Variants in OR2T1 observed in about 807,000 individuals in gnomAD.
OR2T1 encodes the protein olfactory receptor 2T1.
For missense variants in OR2T1, 440 were observed against 390.2 expected (o/e 1.13, Z -1.07); for synonymous variants, 186 against 145.4 (o/e 1.28, Z -2.01).
intron 1 of OR2T1, among the ~76,000 whole-genome samples, chr1:248,404,813 C>G (rs549518811): frequency 1.3e-5 from 2 of 152,002 alleles, no homozygotes; most frequent in Admixed American, 1.3e-4. Flanking sequence ...TTCCTATATA[C>G]ACAATGCCAT....
Position 248,406,336 on chromosome 1 carries a change from C to A in OR2T1, c.189C>A (p.Ser63Arg). 6.2e-7 allele frequency: 1 copy of A among 1,614,134 alleles called. No individual in the cohort carries two copies. Among genetic ancestry groups the A allele is most frequent in the Non-Finnish European group, 8.5e-7 (1 of 1,179,994 alleles). The change falls in exon 2 of 2, where the codon AGC becomes AGA. Residue 63 changes from serine (S) to arginine (R), a missense_variant. Coordinates refer to ENST00000642005, the MANE Select transcript of OR2T1 (RefSeq NM_030904.2). Reference sequence around the variant, plus strand: ...ATACACCCATGTACTTCCTCCTCAGCCACCTTTCCTTAATTGACATGATGT... The same window carrying A: ...ATACACCCATGTACTTCCTCCTCAGACACCTTTCCTTAATTGACATGATGT... ...RLHTPMYFLL[S>R]HLSLIDMMYI... is the part of the protein sequence containing the mutation.
At position 248,406,599 on chromosome 1, in the gene OR2T1, G is replaced by A; in HGVS notation, c.452G>A (p.Gly151Asp). Residue 151 changes from glycine to aspartate, a missense_variant, in exon 2 of 2, where the codon GGC (glycine) becomes GAC (aspartate). Coordinates refer to ENST00000642005, the MANE Select transcript of OR2T1 (RefSeq NM_030904.2). Reference protein sequence around the residue: ...WMIIAGSWFGGSLDGFLLTPI... With the variant: ...WMIIAGSWFGDSLDGFLLTPI... ...ATTATAGCAGGTTCCTGGTTTGGGG[G>A]CTCTTTGGATGGCTTCCTCCTAACC... The A allele has an allele frequency of 6.2e-7, 1 of 1,614,096 alleles. No homozygotes were observed. Among genetic ancestry groups the A allele is most frequent in the Middle Eastern group, 1.6e-4 (1 of 6,062 alleles).
chr1:248,406,525 C>A lies in OR2T1; in HGVS notation c.378C>A (p.Cys126Ter), dbSNP rs77131394. The A allele has an allele frequency of 3.7e-6, 6 of 1,614,044 alleles. No homozygotes were observed. Among genetic ancestry groups the A allele is most frequent in the African/African-American group, 1.3e-5 (1 of 74,914 alleles). Residue 126 changes from cysteine (C) to a stop codon, truncating the protein, a stop_gained, in exon 2 of 2, where the codon TGC becomes TGA. Coordinates refer to ENST00000642005, the MANE Select transcript of OR2T1 (RefSeq NM_030904.2). LOFTEE classifies it low-confidence loss of function (END_TRUNC). ...LMAYDRYVAI[C>*]NPLRYPVLMS... ...CCTATGACCGCTATGTGGCCATTTG[C>A]AACCCTCTGAGATACCCTGTCCTCA...
chr1:248,406,386 T>C lies in OR2T1; in HGVS notation c.239T>C (p.Met80Thr). ...TATATTTCCACTATTGTGCCTAAGA[T>C]GCTGGTTAATTACCTGCTGGATCAA... is the stretch of plus-strand genomic sequence containing the variant. ...MMYISTIVPK[M>T]LVNYLLDQRT... The change falls in exon 2 of 2, where the codon ATG becomes ACG. Residue 80 changes from methionine (M) to threonine (T), a missense_variant. Met to Thr is a moderately conservative substitution (Grantham distance 81). Coordinates refer to ENST00000642005, the MANE Select transcript of OR2T1 (RefSeq NM_030904.2). The C allele has an allele frequency of 1.2e-6, 2 of 1,614,196 alleles. No homozygotes were observed. The highest frequency in any genetic ancestry group is 2.2e-5 in the East Asian group (1 of 44,890).
Position 248,407,396 on chromosome 1 carries a change from T to C in OR2T1, c.*292T>C. ...TAATCCAATCTTTCCCCGCTTTTGG[T>C]CACAAAGAAATTATCTGACTACCTT... On this transcript the variant is annotated 3_prime_UTR_variant, in exon 2 of 2. Transcript: ENST00000642005. The C allele has an allele frequency of 2.7e-6, 1 of 365,388 alleles. No homozygotes were observed. The allele number at this position is 365,388 out of a possible 1,614,324, so 22.6% of individuals were successfully genotyped here. A position where few individuals can be genotyped will look rare whatever the true frequency, so the allele number is the denominator to read the frequency against.
Position 248,406,272 on chromosome 1 carries a change from G to A in OR2T1, c.125G>A (p.Gly42Glu). 1 of 1,614,024 alleles carries A rather than the reference G, an allele frequency of 6.2e-7. No homozygotes were observed. The change falls in exon 2 of 2, where the codon GGG becomes GAG. Residue 42 changes from glycine to glutamate, a missense_variant. Physicochemically the swap from Gly to Glu is moderately conservative, Grantham distance 98 (BLOSUM62 -2). Transcript: ENST00000642005. The part of the protein sequence containing the change: ...IIFFTALMAN[G>E]VMIFLIQTDL... ...TTCTTCACCGCACTGATGGCCAATG[G>A]GGTTATGATCTTCCTGATCCAAACA...
Position 248,406,522 on chromosome 1 carries a change from T to C in OR2T1, c.375T>C (p.Ile125=). The change falls in exon 2 of 2, where the codon ATT becomes ATC. Residue 125 remains isoleucine (I), a synonymous_variant. Transcript: ENST00000642005. ...TGGCCTATGACCGCTATGTGGCCAT[T>C]TGCAACCCTCTGAGATACCCTGTCC... ...GLMAYDRYVA[I]CNPLRYPVLM... The C allele has an allele frequency of 6.2e-7, 1 of 1,614,138 alleles. No homozygotes were observed.
Position 248,403,130 on chromosome 1 carries a change from A to C in OR2T1, c.-149A>C, listed in dbSNP as rs1193843162. Reference sequence around the variant, plus strand: ...TGCACAGTTTTTTCTGAGAATTTCTACTAAGTAACAATCCTTTCAAGTCAA... The same window carrying C: ...TGCACAGTTTTTTCTGAGAATTTCTCCTAAGTAACAATCCTTTCAAGTCAA... On this transcript the variant is annotated 5_prime_UTR_variant, in exon 1 of 2. Transcript: ENST00000642005. 6.6e-6 allele frequency: 1 copy of C among 152,154 alleles called. No homozygotes were observed. Among genetic ancestry groups the C allele is most frequent in the South Asian group, 2.1e-4 (1 of 4,834 alleles). 9.4% of individuals were successfully genotyped at this position (152,154 alleles called of 1,614,324 possible).
intron 1 of OR2T1, among the ~76,000 whole-genome samples, chr1:248,405,440 T>C (rs1661535079): frequency 6.6e-6 from 1 of 152,220 alleles, no homozygotes; most frequent in Admixed American, 6.5e-5. Context: ...TGCTAATTCC[T>C]CATCATCTTA....
chr1:248,406,640 T>G lies in OR2T1; in HGVS notation c.493T>G (p.Phe165Val), dbSNP rs779535364. ...GFLLTPITMS[F>V]PFCNSREINH... ...CCTCCTAACCCCCATCACCATGAGC[T>G]TTCCCTTCTGCAATTCCCGGGAGAT... The change falls in exon 2 of 2, where the codon TTT becomes GTT. Residue 165 changes from phenylalanine to valine, a missense_variant. Coordinates refer to ENST00000642005, the MANE Select transcript of OR2T1 (RefSeq NM_030904.2). 1.9e-6 allele frequency: 3 copies of G among 1,614,156 alleles called. No homozygotes were observed. The highest frequency in any genetic ancestry group is 1.1e-5 in the South Asian group (1 of 91,086).
rs1661556429 is a variant in OR2T1, at chr1:248,406,358, A to G, written c.211A>G (p.Met71Val). 2 of 1,614,046 alleles carry G rather than the reference A, an allele frequency of 1.2e-6. No homozygotes were observed. The highest frequency in any genetic ancestry group is 1.7e-6 in the Non-Finnish European group (2 of 1,179,986). The stretch of plus-strand genomic sequence containing the variant: ...CAGCCACCTTTCCTTAATTGACATG[A>G]TGTATATTTCCACTATTGTGCCTAA... ...LLSHLSLIDM[M>V]YISTIVPKML... The change falls in exon 2 of 2, where the codon ATG becomes GTG. Residue 71 changes from methionine to valine, a missense_variant. Physicochemically the swap from Met to Val is conservative, Grantham distance 21. Coordinates refer to ENST00000642005, the MANE Select transcript of OR2T1 (RefSeq NM_030904.2).
intron 1 of OR2T1, among the ~76,000 whole-genome samples, chr1:248,404,392 G>C (rs1661509897): frequency 6.6e-6 from 1 of 151,764 alleles, no homozygotes; most frequent in Non-Finnish European, 1.5e-5. Flanking sequence ...AACTGGAGAG[G>C]AGTTTCCCTT....
chr1:248,404,600 A>G (rs1360143956), intron 1 of OR2T1, among the ~76,000 whole-genome samples: 1 of 145,786 alleles, frequency 6.9e-6, no homozygotes, highest in African/African-American at 2.4e-5. Flanking sequence ...ATTTTTATAT[A>G]TGTGTGTATA....
At chr1:248,404,105 T>G (rs565464698) in intron 1 of OR2T1, among the ~76,000 whole-genome samples, 1 of 10,210 alleles carries the variant, frequency 9.8e-5, no homozygotes, top group South Asian at 1.9e-3. Flanking sequence ...TCAGTTTTTC[T>G]TAATTGCCAG....
In OR2T1 at chr1:248,407,268, T is replaced by C. The variant is rs1302482472; in HGVS notation, c.*164T>C. 5.7e-6 allele frequency: 3 copies of C among 525,662 alleles called. No homozygotes were observed. In the Admixed American group the frequency reaches 1.2e-4, roughly 20 times the overall value. 32.6% of individuals were successfully genotyped at this position (525,662 alleles called of 1,614,324 possible). ...TAACTCCATAGTTATGATGTTGTGG[T>C]TTTTTAGGCCTCAGAAAACTGAATC... is the stretch of plus-strand genomic sequence containing the variant. On this transcript the variant is annotated 3_prime_UTR_variant, in exon 2 of 2. Transcript: ENST00000642005.
chr1:248,404,801 G>A (rs956248217), intron 1 of OR2T1, among the ~76,000 whole-genome samples: 1 of 151,840 alleles, frequency 6.6e-6, no homozygotes, highest in Non-Finnish European at 1.5e-5. Context: ...CCCATATAAA[G>A]CTTCCTATAT....
rs763741549 is a variant in OR2T1 at position 248,407,004 on chromosome 1, C to G, written c.857C>G (p.Pro286Arg). The change falls in exon 2 of 2, where the codon CCC (proline) becomes CGC (arginine). Residue 286 changes from proline (P) to arginine (R), a missense_variant. Physicochemically the swap from Pro to Arg is moderately radical, Grantham distance 103. Transcript: ENST00000642005. ...ACCATTCTCACACCCATGCTGAACC[C>G]CCTCATCTACAGCCTTAGAAACAAG... is the stretch of plus-strand genomic sequence containing the variant. ...FYTILTPMLNPLIYSLRNKDV... is the reference protein window; with the variant it reads ...FYTILTPMLNRLIYSLRNKDV... 2 of 1,614,100 alleles carry G rather than the reference C, an allele frequency of 1.2e-6. No individual in the cohort carries two copies. Among genetic ancestry groups the G allele is most frequent in the East Asian group, 2.2e-5 (1 of 44,886 alleles).
At chr1:248,405,983 A>G in intron 1 of OR2T1, 132 bp from the exon 2 acceptor site, 3 of 1,583,026 alleles carry the variant, frequency 1.9e-6, no homozygotes, top group East Asian at 4.5e-5. Context: ...TAAATGCTAG[A>G]TATCAGTCTC....
Position 248,406,607 on chromosome 1 carries a change from G to A in OR2T1, c.460G>A (p.Asp154Asn). Residue 154 changes from aspartate to asparagine, a missense_variant, in exon 2 of 2, where the codon GAT becomes AAT. Coordinates refer to ENST00000642005, the MANE Select transcript of OR2T1 (RefSeq NM_030904.2). The stretch of plus-strand genomic sequence containing the variant: ...AGGTTCCTGGTTTGGGGGCTCTTTG[G>A]ATGGCTTCCTCCTAACCCCCATCAC... ...IAGSWFGGSL[D>N]GFLLTPITMS... 6.2e-7 allele frequency: 1 copy of A among 1,614,108 alleles called. No homozygotes were observed. Among genetic ancestry groups the A allele is most frequent in the Admixed American group, 1.7e-5 (1 of 60,004 alleles).
Sources: allele counts gnomAD v4.1 joint callset (sites outside exome capture counted in the v4.1 genomes callset), GRCh38; gene constraint gnomAD v4.1.1; transcripts MANE v1.5; gene names NCBI Gene and HGNC (gene_info 2026-07-23, HGNC 2026-07-21).